GNG7: variants seen among roughly 807,000 people sequenced by gnomAD.
The protein encoded by GNG7 is G protein subunit gamma 7, also known as guanine nucleotide-binding protein G(I)/G(S)/G(O) subunit gamma-7.
Under a neutral mutation model 4.0 loss-of-function variants are expected in GNG7, and 1 was observed. The ratio of observed to expected loss-of-function variants is 0.25; its 90% CI spans 0.09 to 1.18. GNG7 has a LOEUF of 1.18. GNG7 is among the 50% of genes most tolerant of loss of function. The pLI is 0.50. For missense variants in GNG7, 86 were observed against 91.9 expected, an observed-to-expected ratio of 0.94 and a Z score of 0.26; for synonymous variants, 34 against 36.9, an observed-to-expected ratio of 0.92 and a Z score of 0.29.
chr19:2,552,427 G>T (rs185554485), intron 3 of GNG7, among the ~76,000 whole-genome samples: 250 of 152,128 alleles, frequency 1.6e-3, no homozygotes, highest in Non-Finnish European at 1.4e-3. Context: ...CTCTGTTGCC[G>T]AGGCTGGAGT....
intron 1 of GNG7, among the ~76,000 whole-genome samples, chr19:2,673,518 C>T (rs1191428152): frequency 6.6e-6 from 1 of 151,520 alleles, no homozygotes; most frequent in East Asian, 1.9e-4. Context: ...CATGGTGAAC[C>T]CCTGCCTCTA....
chr19:2,579,562 G>A (rs1018912270), intron 2 of GNG7, among the ~76,000 whole-genome samples: 1 of 152,202 alleles, frequency 6.6e-6, no homozygotes, highest in South Asian at 2.1e-4. Context: ...AGTGTTTATG[G>A]TAACAAGAGG....
intron 2 of GNG7, chr19:2,610,719 G>C (rs951290949): frequency 4.6e-5 from 7 of 151,436 alleles, no homozygotes; most frequent in Middle Eastern, 3.4e-3. Flanking sequence ...GGGCTTAAGC[G>C]ATCCTCCCGC....
chr19:2,527,348 G>A (rs1346241727), intron 3 of GNG7, among the ~76,000 whole-genome samples: 1 of 152,188 alleles, frequency 6.6e-6, no homozygotes, highest in African/African-American at 2.4e-5. Flanking sequence ...ATCTGGGGGT[G>A]CAGAGGGAGT....
chr19:2,697,250 G>A (rs1356871290), intron 1 of GNG7, among the ~76,000 whole-genome samples: 1 of 152,214 alleles, frequency 6.6e-6, no homozygotes, highest in Non-Finnish European at 1.5e-5. Context: ...ATAAAAAGCA[G>A]TAAGACTTTT....
At chr19:2,586,830 C>T (rs1049967589) in intron 2 of GNG7, among the ~76,000 whole-genome samples, 6 of 151,572 alleles carry the variant, frequency 4.0e-5, no homozygotes, top group Non-Finnish European at 5.9e-5. Flanking sequence ...ACTAAAAATA[C>T]AAAAATTAGC....
chr19:2,553,560 A>C (rs187073137), intron 3 of GNG7, among the ~76,000 whole-genome samples: 2 of 149,442 alleles, frequency 1.3e-5, no homozygotes, highest in South Asian at 4.2e-4. Flanking sequence ...ATGTAATATC[A>C]CATGTAATAA....
rs1223763190 is a variant in GNG7, at chr19:2,618,598, C to T, written c.-78+27626G>A. ...TCCTGACCTCAAATGATCCACCCGC[C>T]TCGGCCTCCCAAAGTGCTGGGATTA... On this transcript the variant is annotated intron_variant, in intron 2 of 4. Transcript: ENST00000382159. The surrounding 1 kb of genome is among the most constrained non-coding windows in gnomAD (Gnocchi z 5.1). 6.6e-6 allele frequency among the ~76,000 whole-genome samples: 1 copy of T among 152,120 alleles called. No homozygotes were observed. Among genetic ancestry groups the T allele is most frequent in the Non-Finnish European group, 1.5e-5 (1 of 68,016 alleles).
chr19:2,625,941 C>T (rs1053609451), intron 2 of GNG7, among the ~76,000 whole-genome samples: 7 of 152,146 alleles, frequency 4.6e-5, no homozygotes, highest in African/African-American at 1.4e-4. Context: ...GCGCCCACCA[C>T]CACGCCTGGC....
Position 2,571,588 on chromosome 19 carries a change from CTTTTTTTTT to C in GNG7, c.-77-16409_-77-16401del, listed in dbSNP as rs779497111. On this transcript the variant is annotated intron_variant, in intron 2 of 4. Transcript: ENST00000382159. Reference sequence around the variant, plus strand: ...GGTCACTTTTCTTTTCATTTCTTTCCTTTTTTTTTTTTTTTTTTTTTTTTTGAGATGGAG... The same window carrying C: ...GGTCACTTTTCTTTTCATTTCTTTCCTTTTTTTTTTTTTTTTGAGATGGAG... 2.3e-3 allele frequency among the ~76,000 whole-genome samples: 154 copies of C among 68,026 alleles called. 1 individual carries two copies. The highest frequency in any genetic ancestry group is 9.2e-3 in the African/African-American group (142 of 15,414). 44.6% of individuals were successfully genotyped at this position (68,026 alleles called of 152,430 possible). A position where few individuals can be genotyped will look rare whatever the true frequency, so the allele number is the denominator to read the frequency against.
In GNG7 at chr19:2,638,348, C is replaced by T. The variant is rs942975232; in HGVS notation, c.-78+7876G>A. On this transcript the variant is annotated intron_variant, in intron 2 of 4. Coordinates refer to ENST00000382159, the MANE Select transcript of GNG7 (RefSeq NM_052847.3). ...CTGCACTCCAGCCTGGGTGACAGAG[C>T]GAGACTCTGTCAGAAAGAGAAAAGA... Among the ~76,000 whole-genome samples, 11 of 142,112 alleles carry T rather than the reference C, an allele frequency of 7.7e-5. No individual in the cohort carries two copies. In the East Asian group the frequency reaches 1.8e-3, roughly 24 times the overall value. 93.2% of individuals were successfully genotyped at this position (142,112 alleles called of 152,430 possible). A position where few individuals can be genotyped will look rare whatever the true frequency, so the allele number is the denominator to read the frequency against.
intron 2 of GNG7, among the ~76,000 whole-genome samples, chr19:2,598,649 T>C (rs1981103762): frequency 6.7e-6 from 1 of 149,478 alleles, no homozygotes; most frequent in African/African-American, 2.5e-5. Context: ...AGAGCGAGAC[T>C]CCGTCTCAAA....
chr19:2,596,900 T>C (rs1280981629), intron 2 of GNG7, among the ~76,000 whole-genome samples: 3 of 152,102 alleles, frequency 2.0e-5, no homozygotes, highest in African/African-American at 4.8e-5. Context: ...ATTTTACTTT[T>C]TTTATGGATT....
Position 2,512,890 on chromosome 19 carries a change from A to G in GNG7, c.*2132T>C, listed in dbSNP as rs1218746301. 7.1e-6 allele frequency: 7 copies of G among 984,778 alleles called. No homozygotes were observed. The East Asian group carries it at 6.8e-4, about 96-fold the overall frequency. The allele number at this position is 984,778 out of a possible 1,614,324, so 61.0% of individuals were successfully genotyped here. Reference sequence around the variant, plus strand: ...TTTGTCCCTTCCTGCCATTCCTGCTATGCGTGGTGGGGACGCCCACACCCC... The same window carrying G: ...TTTGTCCCTTCCTGCCATTCCTGCTGTGCGTGGTGGGGACGCCCACACCCC... On this transcript the variant is annotated 3_prime_UTR_variant, in exon 5 of 5. Transcript: ENST00000382159. The surrounding 1 kb of genome is among the most constrained non-coding windows in gnomAD (Gnocchi z 4.7).
chr19:2,684,155 G>A (rs1365871780), intron 1 of GNG7, among the ~76,000 whole-genome samples: 2 of 75,574 alleles, frequency 2.6e-5, no homozygotes, highest in African/African-American at 1.2e-4. Flanking sequence ...TTTTTTTTTT[G>A]AGATGGAGTC....
At chr19:2,689,657 C>T (rs1913089577) in intron 1 of GNG7, among the ~76,000 whole-genome samples, 1 of 143,566 alleles carries the variant, frequency 7.0e-6, no homozygotes, top group Admixed American at 7.0e-5. Flanking sequence ...AAACCATATT[C>T]GATGCAATTC....
intron 1 of GNG7, among the ~76,000 whole-genome samples, chr19:2,661,690 A>G (rs1323449173): frequency 7.1e-6 from 1 of 140,978 alleles, no homozygotes; most frequent in Non-Finnish European, 1.5e-5. Flanking sequence ...AAAAAAAAAA[A>G]AGGAAGGAAG....
intron 1 of GNG7, among the ~76,000 whole-genome samples, chr19:2,659,538 T>C (rs1323242014): frequency 2.1e-4 from 28 of 131,430 alleles, no homozygotes; most frequent in African/African-American, 4.6e-4. Flanking sequence ...TGCAGTGAGC[T>C]GAGATCACGC....
At chr19:2,696,339 AAAGAAAGAAAAGAAAGAAAAG>A (rs1437631543) in intron 1 of GNG7, among the ~76,000 whole-genome samples, 194 of 137,866 alleles carry the variant, frequency 1.4e-3, no homozygotes, top group African/African-American at 5.0e-3. Context: ...AGAAAGAAAG[AAAGAAAGAAAAGAAAGAAAAG>A]AAAGAAAGAA....
Sources: allele counts gnomAD v4.1 joint callset (sites outside exome capture counted in the v4.1 genomes callset), GRCh38; gene constraint gnomAD v4.1.1; non-coding constraint Gnocchi (gnomAD v3.1); transcripts MANE v1.5; gene names NCBI Gene and HGNC (gene_info 2026-07-23, HGNC 2026-07-21).